OR3A2: variants seen among roughly 807,000 people sequenced by gnomAD.
OR3A2 encodes the protein olfactory receptor 3A2.
For missense variants in OR3A2, 318 were observed against 392.8 expected (o/e 0.81, Z 1.61); for synonymous variants, 126 against 159.3 (o/e 0.79, Z 1.57).
At chr17:3,278,249 G>C in exon 2 of OR3A2, 1 of 1,614,196 alleles carries the variant, frequency 6.2e-7, no homozygotes, top group Non-Finnish European at 8.5e-7. Flanking sequence ...CAGCTGCCAC[G>C]TGGCTGTAGG....
chr17:3,321,993 G>C (rs1430872052), intron 3 of OR3A2, among the ~76,000 whole-genome samples: 1 of 152,104 alleles, frequency 6.6e-6, no homozygotes, highest in African/African-American at 2.4e-5. Flanking sequence ...GAATTCAGCT[G>C]TGAATCCATC....
chr17:3,278,280 G>A (rs1194603354), exon 2 of OR3A2: 3 of 1,614,240 alleles, frequency 1.9e-6, no homozygotes, highest in Non-Finnish European at 1.7e-6. Context: ...GAGAACCAAA[G>A]GTGTGCCTGC....
At chr17:3,352,343 A>G (rs2049427998) in intron 2 of OR3A2, among the ~76,000 whole-genome samples, 1 of 151,904 alleles carries the variant, frequency 6.6e-6, no homozygotes, top group Non-Finnish European at 1.5e-5. Context: ...CAATGTCCTG[A>G]AGAGTTACCC....
intron 3 of OR3A2, among the ~76,000 whole-genome samples, chr17:3,321,230 G>T (rs939397008): frequency 1.3e-5 from 2 of 151,616 alleles, no homozygotes; most frequent in African/African-American, 2.4e-5. Context: ...CATTGATTTT[G>T]TATCCTGAGA....
At chr17:3,292,510 C>T (rs1336974312) in intron 3 of OR3A2, 1 of 1,614,004 alleles carries the variant, frequency 6.2e-7, no homozygotes, top group South Asian at 1.1e-5. Flanking sequence ...GGCTGCAGCC[C>T]TGGCGCCTCC....
upstream of OR3A2, among the ~76,000 whole-genome samples, chr17:3,285,551 G>A (rs1422971861): frequency 6.6e-6 from 1 of 152,180 alleles, no homozygotes; most frequent in Non-Finnish European, 1.5e-5. Context: ...CACTCTGGGA[G>A]GCTGAGGCGG....
intron 2 of OR3A2, among the ~76,000 whole-genome samples, chr17:3,343,065 G>T (rs147896182): frequency 0.035 from 5,289 of 152,310 alleles, 302 homozygotes; most frequent in African/African-American, 0.12. Flanking sequence ...CACTGAGCCA[G>T]GCACGGGATA....
chr17:3,329,456 A>C (rs1005827790), intron 3 of OR3A2, among the ~76,000 whole-genome samples: 7 of 146,960 alleles, frequency 4.8e-5, no homozygotes, highest in African/African-American at 1.8e-4. Flanking sequence ...GTATGTGTCG[A>C]GGAATTTATC....
chr17:3,377,846 G>T (rs1276130394), intron 2 of OR3A2, among the ~76,000 whole-genome samples: 1 of 152,196 alleles, frequency 6.6e-6, no homozygotes, highest in African/African-American at 2.4e-5. Flanking sequence ...TTCCAAAGGG[G>T]ATGTAAACTA....
Position 3,311,259 on chromosome 17 carries a change from C to T in OR3A2, c.-85+24774G>A, listed in dbSNP as rs1313405376. ...CGATGCTGGCGTGTCTCCAGGCCCA[C>T]CAGTGCAGAGTTCCCTATGCTGCCT... On this transcript the variant is annotated intron_variant, in intron 3 of 4. Coordinates refer to the OR3A2 transcript ENST00000573491. The surrounding 1 kb of genome is among the most constrained non-coding windows in gnomAD (Gnocchi z 4.6). 3.7e-6 allele frequency: 2 copies of T among 535,576 alleles called. No individual in the cohort carries two copies. Among genetic ancestry groups the T allele is most frequent in the Admixed American group, 3.9e-5 (2 of 51,632 alleles). The allele number at this position is 535,576 out of a possible 1,614,324, so 33.2% of individuals were successfully genotyped here.
rs2049043189 is a variant in OR3A2 at position 3,311,365 on chromosome 17, C to G, written c.-85+24668G>C. 1.9e-6 allele frequency: 1 copy of G among 526,984 alleles called. No homozygotes were observed. The highest frequency in any genetic ancestry group is 3.9e-6 in the Non-Finnish European group (1 of 254,404). The allele number at this position is 526,984 out of a possible 1,614,324, so 32.6% of individuals were successfully genotyped here. A position where few individuals can be genotyped will look rare whatever the true frequency, so the allele number is the denominator to read the frequency against. On this transcript the variant is annotated intron_variant, in intron 3 of 4. Transcript: ENST00000573491. This position sits in a 1 kb window ranked among gnomAD's most constrained non-coding sequence, Gnocchi z 4.6. Reference sequence around the variant, plus strand: ...AATAGCCATGGCCTATGACCGCTACCTGGCTATCTGTCAGCTTCTCACCAA... The same window carrying G: ...AATAGCCATGGCCTATGACCGCTACGTGGCTATCTGTCAGCTTCTCACCAA...
chr17:3,321,122 T>C (rs2049118443), intron 3 of OR3A2, among the ~76,000 whole-genome samples: 1 of 152,080 alleles, frequency 6.6e-6, no homozygotes, highest in African/African-American at 2.4e-5. Context: ...TTCCTAGGTA[T>C]TTTATTCTCT....
At chr17:3,321,660 C>G (rs2049123346) in intron 3 of OR3A2, among the ~76,000 whole-genome samples, 1 of 152,114 alleles carries the variant, frequency 6.6e-6, no homozygotes, top group Non-Finnish European at 1.5e-5. Flanking sequence ...GTCTTTGGTT[C>G]TGTTTATATG....
chr17:3,309,786 A>G (rs893511587), intron 3 of OR3A2, among the ~76,000 whole-genome samples: 4 of 152,030 alleles, frequency 2.6e-5, no homozygotes, highest in Non-Finnish European at 5.9e-5. Flanking sequence ...CTCGCATGTT[A>G]ATCTTTTAAT....
exon 2 of OR3A2, chr17:3,278,267 G>C (rs2048753996): frequency 6.2e-7 from 1 of 1,614,216 alleles, no homozygotes; most frequent in South Asian, 1.1e-5. Context: ...AGGCAGTGAT[G>C]ATGAGAACCA....
In OR3A2 at chr17:3,278,189, C is replaced by G. The variant is rs200435984; in HGVS notation, c.729G>C (p.Thr243=). ...AAACCACGGTGAGGTGGGAGCCACACGTGGAGAAGGCCTTCTTTCGGCCCT... is the reference window on the plus strand; with the variant it reads ...AAACCACGGTGAGGTGGGAGCCACAGGTGGAGAAGGCCTTCTTTCGGCCCT... Residue 243 remains threonine, a synonymous_variant, in exon 2 of 2, where the codon ACG becomes ACC. Coordinates refer to ENST00000642052, the Ensembl canonical transcript of OR3A2. 5.0e-6 allele frequency: 8 copies of G among 1,614,096 alleles called. 1 individual carries two copies. Among genetic ancestry groups the G allele is most frequent in the South Asian group, 3.3e-5 (3 of 91,090 alleles).
intron 3 of OR3A2, among the ~76,000 whole-genome samples, chr17:3,326,611 G>C (rs991164753): frequency 2.7e-5 from 4 of 148,468 alleles, no homozygotes; most frequent in African/African-American, 1.0e-4. Flanking sequence ...GTGCAGGTCA[G>C]TTACATATGT....
rs543051406 is a variant in OR3A2 at position 3,302,779 on chromosome 17, G to A, written c.-84-23626C>T. Among the ~76,000 whole-genome samples, 34 of 152,200 alleles carry A rather than the reference G, an allele frequency of 2.2e-4. 1 individual carries two copies. In the South Asian group the frequency reaches 6.0e-3, roughly 27 times the overall value. Reference sequence around the variant, plus strand: ...CTGCAGATGCTTTGCTGTTGGTCTCGTCAAAGTGCCTGGTATCTGTCATGC... The same window carrying A: ...CTGCAGATGCTTTGCTGTTGGTCTCATCAAAGTGCCTGGTATCTGTCATGC... On this transcript the variant is annotated intron_variant, in intron 3 of 4. Coordinates refer to the OR3A2 transcript ENST00000573491.
At chr17:3,332,678 G>A (rs2049247440) in intron 3 of OR3A2, among the ~76,000 whole-genome samples, 2 of 152,190 alleles carry the variant, frequency 1.3e-5, no homozygotes, top group Admixed American at 1.3e-4. Context: ...GCTCACGCTG[G>A]GAGCTGTAGA....
Sources: allele counts gnomAD v4.1 joint callset (sites outside exome capture counted in the v4.1 genomes callset), GRCh38; gene constraint gnomAD v4.1.1; non-coding constraint Gnocchi (gnomAD v3.1); transcripts MANE v1.5; gene names NCBI Gene and HGNC (gene_info 2026-07-23, HGNC 2026-07-21).